The following VMP1 variants were observed in gnomAD, a reference collection of about 807,000 sequenced individuals.
The protein encoded by VMP1 is ectopic P-granules autophagy protein 3 homolog.
VMP1 carries 11 observed loss-of-function variants against 56.0 expected under a neutral mutation model. The observed-to-expected ratio is 0.20, with a 90% confidence interval of 0.12 to 0.32. The LOEUF is 0.32. Among genes scored for constraint, VMP1 ranks in the 10% least tolerant of loss-of-function variants. The pLI, the probability that VMP1 is intolerant of heterozygous loss-of-function variation, is 1.00. For missense variants in VMP1, 296 were observed against 490.3 expected (o/e 0.60, Z 3.74); for synonymous variants, 149 against 165.0 (o/e 0.90, Z 0.74).
At chr17:59,725,193 A>G (rs1265165877) in intron 1 of VMP1, among the ~76,000 whole-genome samples, 1 of 152,102 alleles carries the variant, frequency 6.6e-6, no homozygotes, top group Non-Finnish European at 1.5e-5. Context: ...CTGGCACATA[A>G]TGGACCGTTG....
At chr17:59,723,052 C>T (rs981531725) in intron 1 of VMP1, among the ~76,000 whole-genome samples, 2 of 152,156 alleles carry the variant, frequency 1.3e-5, no homozygotes, top group Non-Finnish European at 2.9e-5. Context: ...CCTAAGATCA[C>T]CATTGTATCT....
intron 6 of VMP1, 61 bp downstream of exon 6, chr17:59,765,199 C>A: frequency 1.3e-6 from 2 of 1,516,738 alleles, no homozygotes; most frequent in Non-Finnish European, 1.8e-6. Context: ...AGTGTGTGTA[C>A]CTTATTGAAA....
intron 2 of VMP1, among the ~76,000 whole-genome samples, chr17:59,735,103 A>C (rs2034969474): frequency 6.6e-6 from 1 of 151,628 alleles, no homozygotes; most frequent in African/African-American, 2.4e-5. Flanking sequence ...GTAGAGACGG[A>C]GTTCCACCAT....
intron 10 of VMP1, among the ~76,000 whole-genome samples, chr17:59,826,178 T>G (rs908507970): frequency 1.3e-5 from 2 of 152,220 alleles, no homozygotes; most frequent in Non-Finnish European, 2.9e-5. Context: ...CTTTCTCTTC[T>G]TGTCCGTGGT....
At chr17:59,811,616 A>C in intron 8 of VMP1, 54 bp from the exon 9 acceptor site, 1 of 1,365,266 alleles carries the variant, frequency 7.3e-7, no homozygotes, top group African/African-American at 1.4e-5. Flanking sequence ...TGGGTGATAA[A>C]ATTAAATTGT....
chr17:59,801,839 C>T (rs187529424), intron 7 of VMP1, among the ~76,000 whole-genome samples: 22 of 151,948 alleles, frequency 1.4e-4, no homozygotes, highest in African/African-American at 5.3e-4. Context: ...GCCAAGATTG[C>T]GTCTTTGCAC....
intron 7 of VMP1, among the ~76,000 whole-genome samples, chr17:59,774,420 AAAAAGAAAG>A (rs768644595): frequency 1.1e-4 from 16 of 144,292 alleles, no homozygotes; most frequent in East Asian, 2.4e-4. Flanking sequence ...TCTAAAAAAA[AAAAAGAAAG>A]AAAGAAAGAA....
chr17:59,724,151 G>A (rs1415562007), intron 1 of VMP1, among the ~76,000 whole-genome samples: 1 of 150,676 alleles, frequency 6.6e-6, no homozygotes, highest in East Asian at 1.9e-4. Flanking sequence ...GGTCGAGGGT[G>A]CAGTAAGCCA....
In VMP1 at chr17:59,747,132, A is replaced by G. The variant is rs1290516597; in HGVS notation, c.414+8185A>G. Among the ~76,000 whole-genome samples the G allele has an allele frequency of 3.3e-5, 5 of 152,222 alleles. No homozygotes were observed. The East Asian group carries it at 9.6e-4, about 29-fold the overall frequency. On this transcript the variant is annotated intron_variant, in intron 5 of 11. Transcript: ENST00000262291. The stretch of plus-strand genomic sequence containing the variant: ...ACTTCACCCAAAAACCAAGCCATCA[A>G]ATGGCTCTACTAAGCCAGGAGACAT...
At chr17:59,714,305 G>A (rs1346743564) in intron 1 of VMP1, among the ~76,000 whole-genome samples, 1 of 151,982 alleles carries the variant, frequency 6.6e-6, no homozygotes, top group Non-Finnish European at 1.5e-5. Context: ...AAAGCAACCA[G>A]TCCTACCCCC....
chr17:59,824,325 A>G (rs1284272256), intron 10 of VMP1, among the ~76,000 whole-genome samples: 1 of 151,780 alleles, frequency 6.6e-6, no homozygotes, highest in Non-Finnish European at 1.5e-5. Flanking sequence ...TAACCCCAGC[A>G]CTTTGGGAGG....
intron 1 of VMP1, among the ~76,000 whole-genome samples, chr17:59,725,183 C>T (rs1484835599): frequency 6.6e-6 from 1 of 151,988 alleles, no homozygotes; most frequent in Non-Finnish European, 1.5e-5. Flanking sequence ...ATAATAATAA[C>T]TGGCACATAA....
At chr17:59,716,775 C>T (rs2143718426) in intron 1 of VMP1, among the ~76,000 whole-genome samples, 1 of 116,948 alleles carries the variant, frequency 8.6e-6, no homozygotes, top group East Asian at 2.3e-4. Context: ...TACCCTTGTG[C>T]TAGTTGGAAT....
chr17:59,711,402 A>G (rs1177671935), intron 1 of VMP1, among the ~76,000 whole-genome samples: 1 of 121,652 alleles, frequency 8.2e-6, no homozygotes, highest in Non-Finnish European at 2.1e-5. Flanking sequence ...TGTGTCTCCC[A>G]TTTTGGTGTG....
At chr17:59,766,282 T>A (rs2143994540) in intron 6 of VMP1, among the ~76,000 whole-genome samples, 1 of 152,246 alleles carries the variant, frequency 6.6e-6, no homozygotes, top group South Asian at 2.1e-4. Flanking sequence ...GGCAGGCAGA[T>A]CACTTGAGGC....
chr17:59,732,966 G>C (rs1165245440), intron 2 of VMP1, among the ~76,000 whole-genome samples: 1 of 152,134 alleles, frequency 6.6e-6, no homozygotes, highest in East Asian at 1.9e-4. Flanking sequence ...CCAGGAGTTT[G>C]AGACCAGCCA....
intron 10 of VMP1, among the ~76,000 whole-genome samples, chr17:59,825,199 G>A (rs1167444248): frequency 6.9e-6 from 1 of 145,014 alleles, no homozygotes; most frequent in Non-Finnish European, 1.5e-5. Flanking sequence ...CGATTCTCCC[G>A]AGTAGCTGGG....
chr17:59,745,736 C>A (rs147224313), intron 5 of VMP1, among the ~76,000 whole-genome samples: 39 of 152,234 alleles, frequency 2.6e-4, no homozygotes, highest in Non-Finnish European at 2.5e-4. Flanking sequence ...GGCACCTCTG[C>A]AATATACCCA....
At chr17:59,797,068 T>C (rs1295649870) in intron 7 of VMP1, among the ~76,000 whole-genome samples, 4 of 152,024 alleles carry the variant, frequency 2.6e-5, no homozygotes, top group African/African-American at 9.7e-5. Flanking sequence ...GCACTGTTGC[T>C]CAAGCCTGTA....
Sources: gnomAD v4.1 joint callset for allele counts (sites outside exome capture counted in the v4.1 genomes callset) on GRCh38, gnomAD v4.1.1 for gene constraint, MANE v1.5 for transcripts, NCBI Gene and HGNC (gene_info 2026-07-23, HGNC 2026-07-21) for gene names.